Variants in SMG1 observed in about 807,000 individuals in gnomAD.
SMG1 encodes SMG1 nonsense mediated mRNA decay associated PI3K related kinase.
SMG1 carries 22 observed loss-of-function variants against 419.9 expected under a neutral mutation model. The ratio of observed to expected loss-of-function variants is 0.05; its 90% CI spans 0.04 to 0.07. The LOEUF is 0.07. Among genes scored for constraint, SMG1 ranks in the 10% least tolerant of loss-of-function variants. SMG1 has a pLI of 1.00. For synonymous variants in SMG1, 1,538 were observed against 1,553.5 expected, an observed-to-expected ratio of 0.99 and a Z score of 0.23; for missense variants, 3,185 against 4,342.0, an observed-to-expected ratio of 0.73 and a Z score of 7.49.
At chr16:18,888,912 T>C (rs2036758401) in intron 6 of SMG1, among the ~76,000 whole-genome samples, 2 of 144,082 alleles carry the variant, frequency 1.4e-5, no homozygotes, top group Non-Finnish European at 3.0e-5. Context: ...AAGCTCCGCC[T>C]CGCAGGTTCA....
chr16:18,835,853 C>T, intron 48 of SMG1, 80 bp downstream of exon 48: 2 of 1,388,116 alleles, frequency 1.4e-6, no homozygotes, highest in Non-Finnish European at 2.0e-6. Flanking sequence ...GAGCCAAGAT[C>T]ATGCCACCAC....
chr16:18,810,658 G>T (rs907579137), intron 62 of SMG1, among the ~76,000 whole-genome samples: 10 of 152,160 alleles, frequency 6.6e-5, no homozygotes, highest in African/African-American at 2.4e-4. Flanking sequence ...AGGAACAGGG[G>T]GTTCAGAGAG....
chr16:18,892,160 T>C (rs1199146755), intron 4 of SMG1, 58 bp downstream of exon 4: 11 of 1,116,990 alleles, frequency 9.8e-6, no homozygotes, highest in Non-Finnish European at 1.3e-5. Context: ...AAGGTAGCAT[T>C]ACCTAGTTTA....
intron 57 of SMG1, 62 bp downstream of exon 57, chr16:18,817,229 A>T: frequency 1.4e-6 from 2 of 1,396,992 alleles, no homozygotes; most frequent in South Asian, 3.0e-5. Flanking sequence ...GTATATATTA[A>T]ATTGATTTTA....
rs2038400992 is a variant in SMG1, at chr16:18,926,169, AGGAGGAGGAGGAGAAGGAGGAGGCGGC to A, written c.-155_-129del. ...GAGGAAGCCGAGAAGGAGGAGGAGG[AGGAGGAGGAGGAGAAGGAGGAGGCGGC>A]GGAGGGCGGGGGAAGAGGACGGCCG... On this transcript the variant is annotated 5_prime_UTR_variant, in exon 1 of 63. Coordinates refer to ENST00000446231, the MANE Select transcript of SMG1 (RefSeq NM_015092.5). 1.3e-6 allele frequency: 1 copy of A among 755,238 alleles called. No homozygotes were observed. Among genetic ancestry groups the A allele is most frequent in the Admixed American group, 3.3e-5 (1 of 30,600 alleles). 46.8% of individuals were successfully genotyped at this position (755,238 alleles called of 1,614,324 possible).
In SMG1 at chr16:18,842,410, G is replaced by A; in HGVS notation, c.6264C>T (p.Tyr2088=). Residue 2088 remains tyrosine (Y), a synonymous_variant, in exon 40 of 63, where the codon TAC becomes TAT. Coordinates refer to ENST00000446231, the MANE Select transcript of SMG1 (RefSeq NM_015092.5). The part of the protein sequence containing the change: ...LQQRAQKRAS[Y]ILRLEEISPW... Reference sequence around the variant, plus strand: ...GACTGATTTCTTCAAGACGCAAGATGTAACTTGCACGTTTCTGTGCTCTCT... The same window carrying A: ...GACTGATTTCTTCAAGACGCAAGATATAACTTGCACGTTTCTGTGCTCTCT... 6.2e-7 allele frequency: 1 copy of A among 1,613,820 alleles called. No homozygotes were observed. The highest frequency in any genetic ancestry group is 8.5e-7 in the Non-Finnish European group (1 of 1,179,704).
intron 29 of SMG1, among the ~76,000 whole-genome samples, chr16:18,855,944 T>A (rs1400640599): frequency 1.3e-5 from 2 of 152,136 alleles, no homozygotes. Flanking sequence ...AGCATTCAAT[T>A]CCAATCTCAA....
At chr16:18,878,616 AAAAAGAAAAG>A (rs1024183807) in intron 11 of SMG1, 1 of 152,134 alleles carries the variant, frequency 6.6e-6, no homozygotes, top group Middle Eastern at 3.2e-3. Flanking sequence ...CAAAAAAAAA[AAAAAGAAAAG>A]AAAAGAAAAA....
chr16:18,835,563 C>T (rs1217298479), intron 48 of SMG1, among the ~76,000 whole-genome samples: 1 of 152,140 alleles, frequency 6.6e-6, no homozygotes, highest in African/African-American at 2.4e-5. Context: ...ATCACCTGAG[C>T]CCAGGGAGGT....
intron 56 of SMG1, among the ~76,000 whole-genome samples, chr16:18,818,818 C>CTT (rs35000007): frequency 0.023 from 2,967 of 131,580 alleles, 98 homozygotes; most frequent in African/African-American, 0.069. Context: ...GCACAAGGTC[C>CTT]TTTTTTTTTT....
At chr16:18,852,542 T>C in intron 31 of SMG1, 80 bp from the exon 32 acceptor site, 1 of 1,244,294 alleles carries the variant, frequency 8.0e-7, no homozygotes, top group Non-Finnish European at 1.1e-6. Context: ...GACATTTCCA[T>C]TAGCATTTTA....
At chr16:18,871,011 A>C (rs1237617166) in intron 16 of SMG1, 123 bp from the exon 17 acceptor site, 6 of 647,560 alleles carry the variant, frequency 9.3e-6, no homozygotes, top group African/African-American at 9.1e-5. Context: ...TAGACTAGGC[A>C]CTACTCTTGT....
chr16:18,814,009 C>T (rs36081510), intron 60 of SMG1, among the ~76,000 whole-genome samples: 39,247 of 122,320 alleles, frequency 0.32, 6,462 homozygotes, highest in Middle Eastern at 0.42. Context: ...CCAGCCTGGG[C>T]GACTGAGTGA....
chr16:18,913,794 T>C (rs558142019), intron 1 of SMG1, among the ~76,000 whole-genome samples: 3 of 151,932 alleles, frequency 2.0e-5, no homozygotes, highest in Non-Finnish European at 2.9e-5. Context: ...AAAAATCTAG[T>C]GTCTCCCCTT....
At chr16:18,828,386 G>A (rs1462216362) in intron 54 of SMG1, among the ~76,000 whole-genome samples, 2 of 152,098 alleles carry the variant, frequency 1.3e-5, no homozygotes, top group African/African-American at 4.8e-5. Context: ...AAATTTCTTG[G>A]ATCACTCACA....
At chr16:18,886,016 A>C (rs1210106108) in intron 6 of SMG1, among the ~76,000 whole-genome samples, 1 of 152,194 alleles carries the variant, frequency 6.6e-6, no homozygotes, top group African/African-American at 2.4e-5. Flanking sequence ...TGTTAAGCTA[A>C]AAACAAATAC....
intron 10 of SMG1, among the ~76,000 whole-genome samples, chr16:18,880,605 C>G (rs544442481): frequency 6.6e-6 from 1 of 151,136 alleles, no homozygotes; most frequent in South Asian, 2.1e-4. Flanking sequence ...GTCCCAACTA[C>G]TTGAGAGGCT....
chr16:18,870,886 G>C lies in SMG1; in HGVS notation c.2305C>G (p.Leu769Val). ...KFCKGLLANT[L>V]VEDVNICLQA... Reference sequence around the variant, plus strand: ...AGACAGATATTCACATCTTCAACGAGAGCTATTAAACATTAAAAGACAGTT... The same window carrying C: ...AGACAGATATTCACATCTTCAACGACAGCTATTAAACATTAAAAGACAGTT... Residue 769 changes from leucine (L) to valine (V), a missense_variant and splice_region_variant, in exon 17 of 63, where the codon CTC (leucine) becomes GTC (valine). Leu to Val is a conservative substitution (Grantham distance 32, BLOSUM62 1). Around this residue, in one of 27 missense-constraint regions of SMG1, gnomAD observed 297 missense variants for 491.0 expected, o/e 0.60. Transcript: ENST00000446231. 6.6e-7 allele frequency: 1 copy of C among 1,524,114 alleles called. No homozygotes were observed. The allele number at this position is 1,524,114 out of a possible 1,614,324, so 94.4% of individuals were successfully genotyped here.
intron 62 of SMG1, among the ~76,000 whole-genome samples, chr16:18,810,591 G>A (rs961332384): frequency 6.6e-6 from 1 of 152,148 alleles, no homozygotes; most frequent in Admixed American, 6.5e-5. Context: ...ATAAGGGGAG[G>A]ACCATCTATC....
Sources: gnomAD v4.1 joint callset for allele counts (sites outside exome capture counted in the v4.1 genomes callset) on GRCh38, gnomAD v4.1.1 for gene constraint, gnomAD v4.1.1 regional missense constraint, MANE v1.5 for transcripts, NCBI Gene and HGNC (gene_info 2026-07-23, HGNC 2026-07-21) for gene names.